Variants in ZFAND3 observed in about 807,000 individuals in gnomAD.
The protein encoded by ZFAND3 is zinc finger AN1-type containing 3, also known as AN1-type zinc finger protein 3.
A neutral mutation model predicts 29.6 loss-of-function variants in ZFAND3; 10 were observed. The observed-to-expected ratio is 0.34, with a 90% CI of 0.21 to 0.57. ZFAND3 has a LOEUF of 0.57. ZFAND3 is among the 20% of genes least tolerant of loss of function. The probability of loss-of-function intolerance (pLI) is 0.86; values close to 1 mark genes in which losing one functional copy is unlikely to be tolerated. For synonymous variants in ZFAND3, 128 were observed against 112.6 expected, an observed-to-expected ratio of 1.14 and a Z score of -0.87; for missense variants, 230 against 304.5, an observed-to-expected ratio of 0.76 and a Z score of 1.82.
In ZFAND3 at chr6:38,121,074, C is replaced by T. The variant is rs572839967; in HGVS notation, c.529+4335C>T. On this transcript the variant is annotated intron_variant, in intron 5 of 5. Coordinates refer to ENST00000287218, the MANE Select transcript of ZFAND3 (RefSeq NM_021943.3). ...CTGTGGCTTCAAGCTTGAGTAGGGG[C>T]CTGGTGTGGTGGCTCATGCCTGTAA... 3.3e-5 allele frequency among the ~76,000 whole-genome samples: 5 copies of T among 152,288 alleles called. No individual in the cohort carries two copies. In the South Asian group the frequency reaches 1.0e-3, roughly 32 times the overall value.
rs888033372 is a variant in ZFAND3 at position 37,966,948 on chromosome 6, CAT to C, written c.112+36950_112+36951del. On this transcript the variant is annotated intron_variant, in intron 2 of 5. Coordinates refer to ENST00000287218, the MANE Select transcript of ZFAND3 (RefSeq NM_021943.3). ...GATTTGATTTTATCTGTTATTTCCT[CAT>C]GTGATGCAAGCTATGTACCTTTGCA... 7.2e-5 allele frequency among the ~76,000 whole-genome samples: 11 copies of C among 152,220 alleles called. 1 individual carries two copies. Among genetic ancestry groups the C allele is most frequent in the Admixed American group, 3.3e-4 (5 of 15,288 alleles).
intron 5 of ZFAND3, among the ~76,000 whole-genome samples, chr6:38,124,445 C>T (rs1765593207): frequency 1.3e-5 from 2 of 152,204 alleles, no homozygotes; most frequent in Non-Finnish European, 2.9e-5. Flanking sequence ...CGGGGAGGCT[C>T]AGGCATGGCG....
intron 1 of ZFAND3, among the ~76,000 whole-genome samples, chr6:37,828,526 A>G (rs1763799005): frequency 6.6e-6 from 1 of 152,246 alleles, no homozygotes; most frequent in South Asian, 2.1e-4. Context: ...AAGAGTATTA[A>G]CTAGCAATAA....
At position 38,146,809 on chromosome 6, in the gene ZFAND3, A is replaced by G. The variant is rs75061747; in HGVS notation, c.530-5426A>G. Among the ~76,000 whole-genome samples the G allele has an allele frequency of 1.4e-3, 209 of 152,192 alleles. 1 individual carries two copies. Among genetic ancestry groups the G allele is most frequent in the African/African-American group, 4.8e-3 (199 of 41,560 alleles). ...CTTTATCCCTTCAAAGCACCAAATG[A>G]TATATAGCTGTAGTAAGCAAAAATC... On this transcript the variant is annotated intron_variant, in intron 5 of 5. Transcript: ENST00000287218.
intron 1 of ZFAND3, among the ~76,000 whole-genome samples, chr6:37,870,988 T>C (rs1764685741): frequency 6.6e-6 from 1 of 152,252 alleles, no homozygotes; most frequent in Admixed American, 6.5e-5. Flanking sequence ...TTATGTTTCA[T>C]TGATCTCCTA....
chr6:38,023,255 G>A (rs1763383840), intron 2 of ZFAND3, among the ~76,000 whole-genome samples: 1 of 152,152 alleles, frequency 6.6e-6, no homozygotes, highest in South Asian at 2.1e-4. Flanking sequence ...CTATGCATGT[G>A]TGTGTAATAT....
chr6:38,086,996 G>C (rs999509034), intron 4 of ZFAND3, among the ~76,000 whole-genome samples: 1 of 152,072 alleles, frequency 6.6e-6, no homozygotes, highest in African/African-American at 2.4e-5. Flanking sequence ...AAGATATGTA[G>C]ACCAATGGAA....
At chr6:37,911,387 G>T (rs1458198370) in intron 1 of ZFAND3, among the ~76,000 whole-genome samples, 1 of 152,080 alleles carries the variant, frequency 6.6e-6, no homozygotes, top group Non-Finnish European at 1.5e-5. Context: ...AAAAAATTGG[G>T]TTATCTGTTT....
chr6:38,141,622 G>A (rs1765958031), intron 5 of ZFAND3, among the ~76,000 whole-genome samples: 1 of 152,178 alleles, frequency 6.6e-6, no homozygotes, highest in East Asian at 1.9e-4. Flanking sequence ...GGGGAGAGAG[G>A]AAACTTGTAC....
chr6:37,849,207 G>A (rs911416324), intron 1 of ZFAND3, among the ~76,000 whole-genome samples: 1 of 152,084 alleles, frequency 6.6e-6, no homozygotes, highest in African/African-American at 2.4e-5. Flanking sequence ...AGAGACGGGG[G>A]AGGACCATAG....
At chr6:38,070,977 A>G (rs1047129120) in intron 3 of ZFAND3, among the ~76,000 whole-genome samples, 1 of 151,654 alleles carries the variant, frequency 6.6e-6, no homozygotes, top group Non-Finnish European at 1.5e-5. Flanking sequence ...GCAATTTATA[A>G]GTCTCCAGTG....
At chr6:38,055,596 C>T (rs1280590441) in intron 2 of ZFAND3, among the ~76,000 whole-genome samples, 2 of 152,180 alleles carry the variant, frequency 1.3e-5, no homozygotes, top group Non-Finnish European at 1.5e-5. Flanking sequence ...TCCTCTTCTA[C>T]TTCGAATTTG....
intron 2 of ZFAND3, among the ~76,000 whole-genome samples, chr6:37,993,772 A>G (rs1428736000): frequency 6.6e-6 from 1 of 152,130 alleles, no homozygotes; most frequent in African/African-American, 2.4e-5. Context: ...AATATTTCAT[A>G]GCTTGCCTTT....
At chr6:38,123,623 T>C (rs1056626303) in intron 5 of ZFAND3, among the ~76,000 whole-genome samples, 2 of 152,182 alleles carry the variant, frequency 1.3e-5, no homozygotes, top group African/African-American at 2.4e-5. Flanking sequence ...CTATGAGTTA[T>C]AGGGAGAGAG....
intron 2 of ZFAND3, among the ~76,000 whole-genome samples, chr6:38,037,154 T>C (rs114038702): frequency 1.3e-5 from 2 of 152,238 alleles, no homozygotes; most frequent in Non-Finnish European, 2.9e-5. Flanking sequence ...AGAATAGATA[T>C]CCCTTGGCCA....
chr6:38,108,755 A>G lies in ZFAND3; in HGVS notation c.362-7817A>G, dbSNP rs71571305. 5.6e-3 allele frequency among the ~76,000 whole-genome samples: 859 copies of G among 152,316 alleles called. 8 individuals carry two copies. The highest frequency in any genetic ancestry group is 0.014 in the Middle Eastern group (4 of 294). ...CTTAAACGACAGTTTCCTCTGGCAGACACACCCAGACACATGCAGAAACAA... is the reference window on the plus strand; with the variant it reads ...CTTAAACGACAGTTTCCTCTGGCAGGCACACCCAGACACATGCAGAAACAA... On this transcript the variant is annotated intron_variant, in intron 4 of 5. Transcript: ENST00000287218.
chr6:37,983,232 A>G (rs915850539), intron 2 of ZFAND3, among the ~76,000 whole-genome samples: 4 of 151,856 alleles, frequency 2.6e-5, no homozygotes. Context: ...TAAACCCCAC[A>G]GTAATGTGCT....
intron 1 of ZFAND3, among the ~76,000 whole-genome samples, chr6:37,891,849 C>T (rs934121323): frequency 6.6e-6 from 1 of 152,000 alleles, no homozygotes; most frequent in Non-Finnish European, 1.5e-5. Flanking sequence ...CTATCTCAGC[C>T]TCCCGAGTAG....
chr6:38,117,254 GCCTTTTT>G (rs1765437118), intron 5 of ZFAND3, among the ~76,000 whole-genome samples: 1 of 121,912 alleles, frequency 8.2e-6, no homozygotes. Context: ...CCTTGAAATA[GCCTTTTT>G]TTTTTTTTTT....
Sources: gnomAD v4.1 joint callset for allele counts (sites outside exome capture counted in the v4.1 genomes callset) on GRCh38, gnomAD v4.1.1 for gene constraint, MANE v1.5 for transcripts, NCBI Gene and HGNC (gene_info 2026-07-23, HGNC 2026-07-21) for gene names.